Variants in CWC27 observed in about 807,000 individuals in gnomAD.
The protein encoded by CWC27 is spliceosome-associated protein CWC27 homolog.
A neutral mutation model predicts 63.6 loss-of-function variants in CWC27; 47 were observed. The observed-to-expected ratio is 0.74, with a 90% CI of 0.58 to 0.94. The LOEUF (loss-of-function observed/expected upper bound fraction) is 0.94. Ranked by LOEUF, CWC27 falls within the 40% of genes least tolerant of loss-of-function variation. The pLI is 0.00. For synonymous variants in CWC27, 175 were observed against 179.8 expected (o/e 0.97, Z 0.22); for missense variants, 495 against 554.3 (o/e 0.89, Z 1.07).
At chr5:65,014,881 G>T (rs891414438) in intron 13 of CWC27, among the ~76,000 whole-genome samples, 7 of 152,168 alleles carry the variant, frequency 4.6e-5, no homozygotes, top group African/African-American at 1.7e-4. Flanking sequence ...TCTATTAAAG[G>T]TTAAATATTA....
At chr5:64,986,282 G>T (rs947046217) in intron 13 of CWC27, among the ~76,000 whole-genome samples, 1 of 152,126 alleles carries the variant, frequency 6.6e-6, no homozygotes, top group Admixed American at 6.5e-5. Flanking sequence ...CTTCCAAAGT[G>T]TCTCTACCAT....
chr5:64,936,924 T>G (rs191124433), intron 11 of CWC27, among the ~76,000 whole-genome samples: 37 of 152,342 alleles, frequency 2.4e-4, no homozygotes, highest in Admixed American at 2.4e-3. Flanking sequence ...TAGTTTGTAT[T>G]TCTGTGCAAC....
At chr5:64,883,023 C>A (rs1198908350) in intron 10 of CWC27, among the ~76,000 whole-genome samples, 6 of 152,220 alleles carry the variant, frequency 3.9e-5, no homozygotes, top group Non-Finnish European at 8.8e-5. Context: ...TTAATTGACT[C>A]ACAGTTCTGC....
At chr5:64,854,708 G>A (rs1433734944) in intron 10 of CWC27, among the ~76,000 whole-genome samples, 6 of 151,990 alleles carry the variant, frequency 3.9e-5, no homozygotes, top group Admixed American at 6.6e-5. Flanking sequence ...CTCTTCTTAC[G>A]GCTGTTACTA....
chr5:64,940,334 A>C, intron 11 of CWC27, among the ~76,000 whole-genome samples: 1 of 152,120 alleles, frequency 6.6e-6, no homozygotes, highest in Non-Finnish European at 1.5e-5. Context: ...TCCTCACGGC[A>C]CAGTCCCTCA....
At chr5:64,844,622 C>G (rs1045359253) in intron 10 of CWC27, among the ~76,000 whole-genome samples, 8 of 152,326 alleles carry the variant, frequency 5.3e-5, no homozygotes, top group African/African-American at 1.9e-4. Context: ...CCCACCCAGG[C>G]AGAGAGACTC....
intron 10 of CWC27, 36 bp downstream of exon 10, chr5:64,804,422 G>C (rs1319536620): frequency 2.0e-6 from 3 of 1,524,390 alleles, no homozygotes; most frequent in Non-Finnish European, 2.6e-6. Flanking sequence ...CAGAGTTTTT[G>C]TCTTTTTATA....
At chr5:64,793,439 A>C (rs1301409474) in intron 7 of CWC27, among the ~76,000 whole-genome samples, 1 of 152,180 alleles carries the variant, frequency 6.6e-6, no homozygotes, top group Non-Finnish European at 1.5e-5. Flanking sequence ...TTTTAAGTAC[A>C]TGAGATAAAT....
chr5:65,000,838 G>A (rs544768506), intron 13 of CWC27, among the ~76,000 whole-genome samples: 2 of 151,930 alleles, frequency 1.3e-5, no homozygotes, highest in Admixed American at 1.3e-4. Context: ...CAAATTGTAG[G>A]ATTTTTTTTC....
At chr5:64,970,314 G>A (rs1194057270) in intron 11 of CWC27, among the ~76,000 whole-genome samples, 1 of 150,592 alleles carries the variant, frequency 6.6e-6, no homozygotes, top group African/African-American at 2.4e-5. Flanking sequence ...CCGGGTTCAC[G>A]CCATTCTCCT....
chr5:64,807,609 C>G, intron 10 of CWC27: 1 of 1,533,882 alleles, frequency 6.5e-7, no homozygotes, highest in Non-Finnish European at 8.7e-7. Flanking sequence ...CCCACCTTCT[C>G]TATGCCTGTA....
chr5:64,829,288 G>A (rs911819240), intron 10 of CWC27, among the ~76,000 whole-genome samples: 8 of 152,042 alleles, frequency 5.3e-5, no homozygotes, highest in African/African-American at 1.9e-4. Context: ...CTTAATGTCA[G>A]TACTGACTCA....
At chr5:64,960,410 A>T (rs1481643004) in intron 11 of CWC27, among the ~76,000 whole-genome samples, 1 of 152,176 alleles carries the variant, frequency 6.6e-6, no homozygotes, top group Non-Finnish European at 1.5e-5. Context: ...TAGTTAGAAG[A>T]TTAAACAAGT....
At chr5:64,796,792 C>T (rs917458329) in intron 7 of CWC27, among the ~76,000 whole-genome samples, 2 of 73,250 alleles carry the variant, frequency 2.7e-5, no homozygotes, top group African/African-American at 1.3e-4. Flanking sequence ...TTCCTTCCTT[C>T]CTTCTTCCCT....
At position 64,842,582 on chromosome 5, in the gene CWC27, G is replaced by A. The variant is rs143714964; in HGVS notation, c.938+38196G>A. Among the ~76,000 whole-genome samples the A allele has an allele frequency of 4.1e-3, 609 of 149,110 alleles. 3 individuals carry two copies. The highest frequency in any genetic ancestry group is 0.014 in the African/African-American group (564 of 40,508). ...CTCCTAAAGTGCTGAGATTACAGGC[G>A]TGAGCCACTGCTCCCAGCCTATTTT... On this transcript the variant is annotated intron_variant, in intron 10 of 13. Coordinates refer to ENST00000381070, the MANE Select transcript of CWC27 (RefSeq NM_005869.4).
At chr5:64,799,618 AGTT>A (rs1248830931) in intron 7 of CWC27, among the ~76,000 whole-genome samples, 1 of 150,740 alleles carries the variant, frequency 6.6e-6, no homozygotes, top group Non-Finnish European at 1.5e-5. Flanking sequence ...TAGCAGCAGT[AGTT>A]GTTGTTTTAT....
At chr5:64,958,292 G>C (rs934177712) in intron 11 of CWC27, among the ~76,000 whole-genome samples, 1 of 152,154 alleles carries the variant, frequency 6.6e-6, no homozygotes, top group African/African-American at 2.4e-5. Flanking sequence ...GCTACAAAGA[G>C]AAAGTGTATA....
At chr5:64,819,950 CT>C (rs1190759149) in intron 10 of CWC27, among the ~76,000 whole-genome samples, 1 of 152,068 alleles carries the variant, frequency 6.6e-6, no homozygotes, top group Non-Finnish European at 1.5e-5. Flanking sequence ...TCATTCAGAG[CT>C]TTTTGCTATT....
intron 7 of CWC27, among the ~76,000 whole-genome samples, chr5:64,793,574 T>G (rs1405064414): frequency 6.6e-6 from 1 of 152,176 alleles, no homozygotes. Context: ...GTTGGAAAAC[T>G]GTGGCTAATA....
Sources: allele counts gnomAD v4.1 joint callset (sites outside exome capture counted in the v4.1 genomes callset), GRCh38; gene constraint gnomAD v4.1.1; transcripts MANE v1.5; gene names NCBI Gene and HGNC (gene_info 2026-07-23, HGNC 2026-07-21).